The following RPA1 variants were observed in gnomAD, a reference collection of about 807,000 sequenced individuals.
RPA1 encodes replication protein A 70 kDa DNA-binding subunit.
A neutral mutation model predicts 83.0 loss-of-function variants in RPA1; 49 were observed. That is an observed-to-expected ratio of 0.59 (90% CI 0.47 to 0.75). RPA1 has a LOEUF of 0.75. RPA1 is among the 30% of genes least tolerant of loss of function. The pLI is 0.00. For synonymous variants in RPA1, 279 were observed against 281.8 expected (o/e 0.99, Z 0.10); for missense variants, 693 against 776.1 (o/e 0.89, Z 1.27).
chr17:1,869,112 T>G (rs1913287471), intron 5 of RPA1, among the ~76,000 whole-genome samples: 1 of 152,256 alleles, frequency 6.6e-6, no homozygotes, highest in Admixed American at 6.5e-5. Flanking sequence ...AGAAGTTGAA[T>G]TTTTTGTTGC....
At chr17:1,845,573 G>A (rs937819635) in intron 4 of RPA1, among the ~76,000 whole-genome samples, 2 of 152,158 alleles carry the variant, frequency 1.3e-5, no homozygotes, top group Admixed American at 6.6e-5. Context: ...TGTTGTACAC[G>A]GACAAGTTAC....
chr17:1,858,292 C>T, intron 5 of RPA1: 1 of 1,611,106 alleles, frequency 6.2e-7, no homozygotes, highest in Non-Finnish European at 8.5e-7. Context: ...GGCCGACATG[C>T]CAAAAAGAGA....
rs1912570082 is a variant in RPA1 at position 1,853,327 on chromosome 17, C to T, written c.361+138C>T. The T allele has an allele frequency of 6.0e-6, 4 of 663,556 alleles. No homozygotes were observed. The African/African-American group carries it at 7.3e-5, about 12-fold the overall frequency. The allele number at this position is 663,556 out of a possible 1,614,324, so 41.1% of individuals were successfully genotyped here. A position where few individuals can be genotyped will look rare whatever the true frequency, so the allele number is the denominator to read the frequency against. ...TCTGAGGTCTAGGAACCAGGCTATT[C>T]TGTCAGGCTTTTTCAGTTCTAAAGA... On this transcript the variant is annotated intron_variant, in intron 5 of 16. Coordinates refer to ENST00000254719, the MANE Select transcript of RPA1 (RefSeq NM_002945.5).
At chr17:1,883,992 G>A in intron 13 of RPA1, 48 bp downstream of exon 13, 17 of 1,604,976 alleles carry the variant, frequency 1.1e-5, no homozygotes, top group Non-Finnish European at 1.4e-5. Context: ...AAAGTGTGCA[G>A]AAGGATGGAT....
intron 4 of RPA1, among the ~76,000 whole-genome samples, chr17:1,852,545 G>GGGCAGAA (rs1346180108): frequency 2.0e-5 from 3 of 152,230 alleles, no homozygotes; most frequent in Non-Finnish European, 4.4e-5. Flanking sequence ...AGAGGGCAGA[G>GGGCAGAA]GGCAGAGGGC....
intron 13 of RPA1, among the ~76,000 whole-genome samples, chr17:1,886,095 G>A (rs775314717): frequency 4.0e-5 from 6 of 151,612 alleles, no homozygotes; most frequent in Non-Finnish European, 8.8e-5. Context: ...TTGAGCTCTT[G>A]TGTGAACAGG....
intron 1 of RPA1, among the ~76,000 whole-genome samples, chr17:1,839,833 A>G (rs548592287): frequency 8.6e-6 from 1 of 116,328 alleles, no homozygotes. Context: ...CTTTACTATC[A>G]CTCAGGTAGA....
intron 1 of RPA1, among the ~76,000 whole-genome samples, chr17:1,837,803 G>C (rs549886938): frequency 6.6e-6 from 1 of 152,208 alleles, no homozygotes; most frequent in East Asian, 1.9e-4. Flanking sequence ...GAGAATTCTT[G>C]ATTCTTGCTA....
At chr17:1,860,139 C>T (rs1284787365) in intron 5 of RPA1, among the ~76,000 whole-genome samples, 2 of 152,080 alleles carry the variant, frequency 1.3e-5, no homozygotes, top group Non-Finnish European at 2.9e-5. Context: ...ACATGGAGTC[C>T]TGCCATGTTG....
rs143296929 is a variant in RPA1 at position 1,853,253 on chromosome 17, A to G, written c.361+64A>G. On this transcript the variant is annotated intron_variant, in intron 5 of 16. Coordinates refer to ENST00000254719, the MANE Select transcript of RPA1 (RefSeq NM_002945.5). ...TACCTCTTTATATATTCGGAGTTCTACCTTTTGGATTCAGTTTGACTTGTT... is the reference window on the plus strand; with the variant it reads ...TACCTCTTTATATATTCGGAGTTCTGCCTTTTGGATTCAGTTTGACTTGTT... 115 of 1,256,170 alleles carry G rather than the reference A, an allele frequency of 9.2e-5. No homozygotes were observed. In the East Asian group the frequency reaches 2.7e-3, roughly 29 times the overall value. The allele number at this position is 1,256,170 out of a possible 1,614,324, so 77.8% of individuals were successfully genotyped here. A position where few individuals can be genotyped will look rare whatever the true frequency, so the allele number is the denominator to read the frequency against.
chr17:1,846,780 G>T (rs190838716), intron 4 of RPA1, among the ~76,000 whole-genome samples: 1 of 152,072 alleles, frequency 6.6e-6, no homozygotes, highest in African/African-American at 2.4e-5. Flanking sequence ...TTTGATCTCC[G>T]CATAGGTCTT....
At chr17:1,844,294 C>CT (rs1381435565) in intron 3 of RPA1, among the ~76,000 whole-genome samples, 7 of 152,132 alleles carry the variant, frequency 4.6e-5, no homozygotes, top group African/African-American at 1.4e-4. Flanking sequence ...CTGCCCTATA[C>CT]TTTCCTTTTC....
intron 1 of RPA1, among the ~76,000 whole-genome samples, chr17:1,842,573 T>C (rs1268700169): frequency 3.9e-5 from 6 of 152,182 alleles, no homozygotes; most frequent in African/African-American, 1.4e-4. Context: ...CGAGTACATA[T>C]GGGATACCGG....
rs746267054 is a variant in RPA1, at chr17:1,879,585, T to C, written c.978T>C (p.Tyr326=). 7.4e-6 allele frequency: 12 copies of C among 1,614,220 alleles called. 1 individual carries two copies. The South Asian group carries it at 7.7e-5, about 10-fold the overall frequency. The change falls in exon 11 of 17, where the codon TAT becomes TAC. Residue 326 remains tyrosine (Y), a synonymous_variant. Transcript: ENST00000254719. ...LVDIIGICKS[Y]EDATKITVRS... is the part of the protein sequence containing the mutation. The stretch of plus-strand genomic sequence containing the variant: ...ACATCATCGGGATCTGCAAGAGCTA[T>C]GAAGACGCCACTAAAATCACAGTGA...
At chr17:1,883,748 C>A in intron 12 of RPA1, 64 bp from the exon 13 acceptor site, 1 of 1,603,858 alleles carries the variant, frequency 6.2e-7, no homozygotes. Flanking sequence ...CAGCAAGTTG[C>A]ATGTGGAGAA....
chr17:1,869,226 TAA>T (rs1260252606), intron 5 of RPA1, among the ~76,000 whole-genome samples: 2 of 152,176 alleles, frequency 1.3e-5, no homozygotes, highest in African/African-American at 4.8e-5. Context: ...TTTGAGGTGC[TAA>T]GAGTCTGCTC....
At position 1,895,088 on chromosome 17, in the gene RPA1, C is replaced by T. The variant is rs552012556; in HGVS notation, c.1739C>T (p.Thr580Ile). The T allele has an allele frequency of 1.9e-6, 3 of 1,613,066 alleles. No individual in the cohort carries two copies. In the South Asian group the frequency reaches 3.3e-5, roughly 18 times the overall value. ...FIFRVRVKVETYNDESRIKAT... is the reference protein window; with the variant it reads ...FIFRVRVKVEIYNDESRIKAT... ...TTCAGAGTCAGGGTCAAAGTGGAGA[C>T]CTACAACGTAAGTAAGGGCCTGGGC... Residue 580 changes from threonine (T) to isoleucine (I), a missense_variant, in exon 16 of 17, where the codon ACC becomes ATC. Physicochemically the swap from Thr to Ile is moderately conservative, Grantham distance 89 (BLOSUM62 -1). Transcript: ENST00000254719.
chr17:1,858,595 C>T, intron 5 of RPA1: 1 of 612,574 alleles, frequency 1.6e-6, no homozygotes, highest in South Asian at 1.9e-5. Flanking sequence ...TCCTGAGTAG[C>T]TGGGACTATT....
intron 13 of RPA1, among the ~76,000 whole-genome samples, chr17:1,888,271 G>C (rs1203035449): frequency 6.6e-6 from 1 of 152,244 alleles, no homozygotes; most frequent in Non-Finnish European, 1.5e-5. Flanking sequence ...GCTGCACTGG[G>C]TGTTTGTGGT....
Sources: allele counts gnomAD v4.1 joint callset (sites outside exome capture counted in the v4.1 genomes callset), GRCh38; gene constraint gnomAD v4.1.1; transcripts MANE v1.5; gene names NCBI Gene and HGNC (gene_info 2026-07-23, HGNC 2026-07-21).